LHFPL3: variants seen among roughly 807,000 people sequenced by gnomAD.
LHFPL3 encodes LHFPL tetraspan subfamily member 3.
Under a neutral mutation model 19.3 loss-of-function variants are expected in LHFPL3, and 5 were observed. The ratio of observed to expected loss-of-function variants is 0.26; its 90% confidence interval spans 0.14 to 0.54. The LOEUF (loss-of-function observed/expected upper bound fraction) is 0.54. Among genes scored for constraint, LHFPL3 ranks in the 20% least tolerant of loss-of-function variants. The probability of loss-of-function intolerance (pLI) is 0.94; values close to 1 mark genes in which losing one functional copy is unlikely to be tolerated. For synonymous variants in LHFPL3, 133 were observed against 126.2 expected (o/e 1.05, Z -0.36); for missense variants, 249 against 307.4 (o/e 0.81, Z 1.42).
chr7:104,790,174 C>T (rs1789994417), intron 2 of LHFPL3, among the ~76,000 whole-genome samples: 1 of 152,194 alleles, frequency 6.6e-6, no homozygotes, highest in South Asian at 2.1e-4. Context: ...AATGCAATTC[C>T]AAGCGTTGAA....
At chr7:104,440,035 T>TGGGTG (rs139318074) in intron 1 of LHFPL3, among the ~76,000 whole-genome samples, 1 of 84,962 alleles carries the variant, frequency 1.2e-5, no homozygotes, top group South Asian at 4.7e-4. Flanking sequence ...ATACAAAGCC[T>TGGGTG]GGGGGGGGGG....
At chr7:104,864,715 G>A (rs1217576515) in intron 2 of LHFPL3, among the ~76,000 whole-genome samples, 1 of 152,210 alleles carries the variant, frequency 6.6e-6, no homozygotes, top group Non-Finnish European at 1.5e-5. Flanking sequence ...AGACTTAAAT[G>A]TCCCTGTCTG....
intron 1 of LHFPL3, among the ~76,000 whole-genome samples, chr7:104,705,251 A>G (rs968207880): frequency 6.6e-6 from 1 of 152,140 alleles, no homozygotes; most frequent in Non-Finnish European, 1.5e-5. Flanking sequence ...TTTTAAAAGT[A>G]TTCCTTTTCT....
Position 104,329,124 on chromosome 7 carries a change from C to T in LHFPL3, c.345C>T (p.Ser115=), listed in dbSNP as rs1801520375. 17 of 1,613,982 alleles carry T rather than the reference C, an allele frequency of 1.1e-5. No homozygotes were observed. Among genetic ancestry groups the T allele is most frequent in the Non-Finnish European group, 1.4e-5 (16 of 1,179,920 alleles). Residue 115 remains serine (S), a synonymous_variant, in exon 1 of 3, where the codon TCC becomes TCT. Coordinates refer to ENST00000424859, the MANE Select transcript of LHFPL3 (RefSeq NM_199000.3). Reference sequence around the variant, plus strand: ...CCGCCTCCTTCTTTATCGGCCTCTCCATGATGCTCATCATTGCCTGCATCA... The same window carrying T: ...CCGCCTCCTTCTTTATCGGCCTCTCTATGATGCTCATCATTGCCTGCATCA... The part of the protein sequence containing the change: ...FKAASFFIGL[S]MMLIIACIIC...
chr7:104,755,861 A>T (rs1488172621), intron 2 of LHFPL3, among the ~76,000 whole-genome samples: 8 of 152,042 alleles, frequency 5.3e-5, no homozygotes, highest in Non-Finnish European at 1.2e-4. Context: ...ACGCCCGGTT[A>T]ATTTTGTATT....
At chr7:104,535,245 T>C (rs1794370934) in intron 1 of LHFPL3, among the ~76,000 whole-genome samples, 1 of 152,196 alleles carries the variant, frequency 6.6e-6, no homozygotes, top group Admixed American at 6.5e-5. Flanking sequence ...TGGAAAAGGA[T>C]TGCTCACATT....
intron 1 of LHFPL3, among the ~76,000 whole-genome samples, chr7:104,711,151 A>G (rs1793293948): frequency 6.6e-6 from 1 of 152,232 alleles, no homozygotes; most frequent in Non-Finnish European, 1.5e-5. Context: ...GGGAAATTTT[A>G]TTTAGCAATA....
intron 1 of LHFPL3, among the ~76,000 whole-genome samples, chr7:104,647,727 A>T (rs997048590): frequency 5.9e-5 from 9 of 152,220 alleles, no homozygotes; most frequent in Non-Finnish European, 1.0e-4. Context: ...CCTCACAGTC[A>T]TTGGATGGCA....
chr7:104,337,827 G>A (rs1789858843), intron 1 of LHFPL3, among the ~76,000 whole-genome samples: 1 of 152,172 alleles, frequency 6.6e-6, no homozygotes, highest in South Asian at 2.1e-4. Context: ...TTGTGGATCT[G>A]TGTGATGCCA....
chr7:104,557,736 G>A (rs1400269602), intron 1 of LHFPL3, among the ~76,000 whole-genome samples: 1 of 151,206 alleles, frequency 6.6e-6, no homozygotes, highest in African/African-American at 2.4e-5. Context: ...GTGCAGGTTA[G>A]TTACATATGT....
chr7:104,907,016 T>C lies in LHFPL3; in HGVS notation c.*801T>C, dbSNP rs970302765. The C allele has an allele frequency of 4.6e-5, 7 of 152,538 alleles. No individual in the cohort carries two copies. Among genetic ancestry groups the C allele is most frequent in the Non-Finnish European group, 7.4e-5 (5 of 68,004 alleles). The allele number at this position is 152,538 out of a possible 1,614,324, so 9.4% of individuals were successfully genotyped here. ...AACAGCATCAAGGAACTCTGAAAAA[T>C]ATAGAAAAAGTTCATTTTCACCTTG... On this transcript the variant is annotated 3_prime_UTR_variant, in exon 3 of 3. Coordinates refer to ENST00000424859, the MANE Select transcript of LHFPL3 (RefSeq NM_199000.3).
chr7:104,684,235 C>T (rs1289606019), intron 1 of LHFPL3, among the ~76,000 whole-genome samples: 2 of 152,210 alleles, frequency 1.3e-5, no homozygotes, highest in African/African-American at 4.8e-5. Flanking sequence ...GTGCCCCAAC[C>T]CCTGGCCCAA....
At chr7:104,397,947 G>A (rs1791225253) in intron 1 of LHFPL3, among the ~76,000 whole-genome samples, 1 of 152,114 alleles carries the variant, frequency 6.6e-6, no homozygotes, top group Admixed American at 6.5e-5. Flanking sequence ...TGCTTCAAAT[G>A]CGCAGTTTCT....
intron 2 of LHFPL3, among the ~76,000 whole-genome samples, chr7:104,779,228 G>A (rs940204497): frequency 4.6e-5 from 7 of 152,142 alleles, no homozygotes; most frequent in African/African-American, 1.7e-4. Context: ...ATGAGGATTA[G>A]GCAGGTCATA....
chr7:104,461,479 G>A (rs142166378), intron 1 of LHFPL3, among the ~76,000 whole-genome samples: 11 of 152,318 alleles, frequency 7.2e-5, no homozygotes, highest in African/African-American at 2.2e-4. Context: ...ACCATTGCTT[G>A]TTTTCGTCAG....
In LHFPL3 at chr7:104,833,033, A is replaced by ATTTATATATTATATATAATAGATATAT. The variant is rs1790995272; in HGVS notation, c.683-73153_683-73152insTTATATATTATATATAATAGATATATT. On this transcript the variant is annotated intron_variant, in intron 2 of 2. Transcript: ENST00000424859. ...ATATATTATATATAATAGATATATT[A>ATTTATATATTATATATAATAGATATAT]TATATATATATTATATATATATTAT... Among the ~76,000 whole-genome samples, 2 of 1,414 alleles carry ATTTATATATTATATATAATAGATATAT rather than the reference A, an allele frequency of 1.4e-3. 1 individual carries two copies. Among genetic ancestry groups the ATTTATATATTATATATAATAGATATAT allele is most frequent in the Non-Finnish European group, 4.0e-3 (2 of 504 alleles). The allele number at this position is 1,414 out of a possible 152,430, so 0.9% of individuals were successfully genotyped here.
intron 1 of LHFPL3, among the ~76,000 whole-genome samples, chr7:104,565,136 A>G (rs1790094480): frequency 6.6e-6 from 1 of 152,224 alleles, no homozygotes; most frequent in Admixed American, 6.5e-5. Flanking sequence ...GGACCAGTAG[A>G]TTTTAGAAAA....
intron 1 of LHFPL3, among the ~76,000 whole-genome samples, chr7:104,389,495 T>C (rs1486088330): frequency 2.0e-5 from 3 of 152,134 alleles, no homozygotes; most frequent in Non-Finnish European, 4.4e-5. Flanking sequence ...AGTGGTTCCT[T>C]TGTGGAAATC....
At chr7:104,530,874 G>T (rs190042193) in intron 1 of LHFPL3, among the ~76,000 whole-genome samples, 1 of 152,218 alleles carries the variant, frequency 6.6e-6, no homozygotes, top group Non-Finnish European at 1.5e-5. Context: ...TACTTGTCTG[G>T]TAATAAACAG....
Sources: allele counts gnomAD v4.1 joint callset (sites outside exome capture counted in the v4.1 genomes callset), GRCh38; gene constraint gnomAD v4.1.1; transcripts MANE v1.5; gene names NCBI Gene and HGNC (gene_info 2026-07-23, HGNC 2026-07-21).